RAB8B: variants seen among roughly 807,000 people sequenced by gnomAD.
RAB8B encodes ras-related protein Rab-8B.
In RAB8B, 11 loss-of-function variants were observed where a neutral mutation model predicts 32.0. The observed-to-expected ratio is 0.34, with a 90% CI of 0.22 to 0.57. The LOEUF (loss-of-function observed/expected upper bound fraction) is 0.57. Ranked by LOEUF, RAB8B falls within the 20% of genes least tolerant of loss-of-function variation. The pLI, the probability that RAB8B is intolerant of heterozygous loss-of-function variation, is 0.86. For missense variants in RAB8B, 190 were observed against 258.5 expected (o/e 0.73, Z 1.82); for synonymous variants, 103 against 89.6 (o/e 1.15, Z -0.85).
intron 1 of RAB8B, among the ~76,000 whole-genome samples, chr15:63,196,420 A>G (rs991987675): frequency 2.6e-5 from 4 of 152,248 alleles, no homozygotes; most frequent in African/African-American, 7.2e-5. Context: ...ATTAAGAGCA[A>G]TGGGCATCTG....
At chr15:63,261,253 A>T (rs2038201564) in intron 6 of RAB8B, among the ~76,000 whole-genome samples, 1 of 152,220 alleles carries the variant, frequency 6.6e-6, no homozygotes, top group Admixed American at 6.5e-5. Flanking sequence ...AATGGCTTTT[A>T]TCAAAGAGAT....
chr15:63,245,090 A>G (rs2038060725), intron 2 of RAB8B, among the ~76,000 whole-genome samples: 2 of 152,226 alleles, frequency 1.3e-5, no homozygotes, highest in African/African-American at 4.8e-5. Flanking sequence ...ACTAAATTCT[A>G]AGGAACGCAA....
intron 1 of RAB8B, among the ~76,000 whole-genome samples, chr15:63,198,265 C>T (rs1245755995): frequency 6.6e-6 from 1 of 152,098 alleles, no homozygotes; most frequent in Non-Finnish European, 1.5e-5. Context: ...TTCTTGCTGT[C>T]CTACTTGTAG....
At chr15:63,223,345 C>T (rs539175902) in intron 1 of RAB8B, among the ~76,000 whole-genome samples, 18 of 152,268 alleles carry the variant, frequency 1.2e-4, no homozygotes, top group South Asian at 4.1e-4. Flanking sequence ...CTCCTGACCT[C>T]AGGTGATCCA....
At chr15:63,206,765 C>T (rs549123871) in intron 1 of RAB8B, among the ~76,000 whole-genome samples, 5 of 152,256 alleles carry the variant, frequency 3.3e-5, no homozygotes, top group African/African-American at 1.2e-4. Context: ...CCCATCTCCC[C>T]TTTCTCCTTC....
intron 1 of RAB8B, among the ~76,000 whole-genome samples, chr15:63,216,271 C>G (rs1021474553): frequency 1.0e-4 from 15 of 148,152 alleles, no homozygotes; most frequent in African/African-American, 3.7e-4. Context: ...CTCTGTCTCC[C>G]CCACTGGAGT....
At chr15:63,191,278 T>C (rs1034687880) in intron 1 of RAB8B, among the ~76,000 whole-genome samples, 1 of 152,204 alleles carries the variant, frequency 6.6e-6, no homozygotes, top group Non-Finnish European at 1.5e-5. Flanking sequence ...TTGTGTATTT[T>C]TAAGGATAAT....
In RAB8B at chr15:63,265,330, T is replaced by A. The variant is rs2038237545; in HGVS notation, c.*1711T>A. ...GCTGCAAATATGCCCAAGCTATTTT[T>A]AATAGATATACTAAACTTATTGTTG... On this transcript the variant is annotated 3_prime_UTR_variant, in exon 8 of 8. Transcript: ENST00000321437. This position sits in a 1 kb window ranked among gnomAD's most constrained non-coding sequence, Gnocchi z 4.9. 6.6e-6 allele frequency: 1 copy of A among 152,184 alleles called. No homozygotes were observed. The highest frequency in any genetic ancestry group is 2.4e-5 in the African/African-American group (1 of 41,452). The allele number at this position is 152,184 out of a possible 1,614,324, so 9.4% of individuals were successfully genotyped here. A position where few individuals can be genotyped will look rare whatever the true frequency, so the allele number is the denominator to read the frequency against.
chr15:63,200,797 T>C (rs2037641444), intron 1 of RAB8B, among the ~76,000 whole-genome samples: 1 of 152,202 alleles, frequency 6.6e-6, no homozygotes, highest in Admixed American at 6.5e-5. Flanking sequence ...AAGCCTGACA[T>C]TGAGCATTTG....
rs183487690 is a variant in RAB8B, at chr15:63,244,449, G to C, written c.125-307G>C. Among the ~76,000 whole-genome samples the C allele has an allele frequency of 2.0e-5, 3 of 152,290 alleles. No homozygotes were observed. In the East Asian group the frequency reaches 5.8e-4, roughly 29 times the overall value. ...GAAGCATTGTTTATATGTACTTCAG[G>C]AAGTAGGAAATATGGCATGTTCTCA... On this transcript the variant is annotated intron_variant, in intron 1 of 7. Coordinates refer to ENST00000321437, the MANE Select transcript of RAB8B (RefSeq NM_016530.3).
In RAB8B at chr15:63,194,199, T is replaced by TA. The variant is rs80073305; in HGVS notation, c.124+4461dup. ...TTTATTCCTGTCCCAATTTTATAAA[T>TA]AAAAAAAAAATGAAGGTTTAATTGA... is the stretch of plus-strand genomic sequence containing the variant. On this transcript the variant is annotated intron_variant, in intron 1 of 7. Coordinates refer to ENST00000321437, the MANE Select transcript of RAB8B (RefSeq NM_016530.3). Among the ~76,000 whole-genome samples the TA allele has an allele frequency of 1.6e-3, 240 of 148,964 alleles. 1 individual carries two copies. The highest frequency in any genetic ancestry group is 2.2e-3 in the Non-Finnish European group (150 of 66,922).
chr15:63,224,357 C>CCAAACTTT (rs1207593491), intron 1 of RAB8B, among the ~76,000 whole-genome samples: 1 of 152,132 alleles, frequency 6.6e-6, no homozygotes, highest in Non-Finnish European at 1.5e-5. Context: ...CCCCAGGTAT[C>CCAAACTTT]CAAACTTTTT....
intron 1 of RAB8B, among the ~76,000 whole-genome samples, chr15:63,237,564 A>G (rs35774008): frequency 0.14 from 21,408 of 152,150 alleles, 1,965 homozygotes; most frequent in East Asian, 0.47. Context: ...TCTTCTGCTC[A>G]TTTTAAAATC....
chr15:63,255,660 G>C (rs3784673), intron 4 of RAB8B, 76 bp downstream of exon 4: 303,932 of 1,233,982 alleles, frequency 0.25, 40,874 homozygotes, highest in Admixed American at 0.52. Context: ...CTGTCTGCAA[G>C]GCAGCTGAGC....
chr15:63,214,291 T>C (rs1373656168), intron 1 of RAB8B, among the ~76,000 whole-genome samples: 4 of 138,774 alleles, frequency 2.9e-5, no homozygotes, highest in Non-Finnish European at 4.7e-5. Context: ...TCTTTCTTTT[T>C]TTTTTTTTTT....
intron 1 of RAB8B, among the ~76,000 whole-genome samples, chr15:63,236,632 C>A (rs879882049): frequency 6.6e-6 from 1 of 151,966 alleles, no homozygotes. Context: ...ATTGTGGGTA[C>A]ATAGTAGATG....
intron 1 of RAB8B, among the ~76,000 whole-genome samples, chr15:63,205,761 C>G (rs1406036336): frequency 5.9e-5 from 9 of 152,204 alleles, no homozygotes; most frequent in Non-Finnish European, 1.3e-4. Context: ...CCGTGAAACT[C>G]TCAGGTCCAG....
intron 1 of RAB8B, among the ~76,000 whole-genome samples, chr15:63,211,601 T>G (rs1365004364): frequency 6.6e-6 from 1 of 152,228 alleles, no homozygotes; most frequent in Non-Finnish European, 1.5e-5. Context: ...TTCTTAAAAG[T>G]ACAGGTAGTG....
chr15:63,239,436 A>G (rs1206471246), intron 1 of RAB8B, among the ~76,000 whole-genome samples: 1 of 140,876 alleles, frequency 7.1e-6, no homozygotes, highest in East Asian at 2.1e-4. Context: ...TTTTTGAGAC[A>G]GAGTCTCACT....
Sources: gnomAD v4.1 joint callset for allele counts (sites outside exome capture counted in the v4.1 genomes callset) on GRCh38, gnomAD v4.1.1 for gene constraint, Gnocchi (gnomAD v3.1) non-coding constraint, MANE v1.5 for transcripts, NCBI Gene and HGNC (gene_info 2026-07-23, HGNC 2026-07-21) for gene names.